ARID1B: variants seen among roughly 807,000 people sequenced by gnomAD.
ARID1B encodes AT-rich interaction domain 1B.
Under a neutral mutation model 212.3 loss-of-function variants are expected in ARID1B, and 30 were observed. That is an observed-to-expected ratio of 0.14 (90% CI 0.11 to 0.19). The LOEUF (loss-of-function observed/expected upper bound fraction) is 0.19. Among genes scored for constraint, ARID1B ranks in the 10% least tolerant of loss-of-function variants. ARID1B has a pLI of 1.00. For synonymous variants in ARID1B, 1,402 were observed against 1,301.7 expected, an observed-to-expected ratio of 1.08 and a Z score of -1.66; for missense variants, 2,891 against 3,204.0, an observed-to-expected ratio of 0.90 and a Z score of 2.36.
chr6:157,118,828 T>C (rs1787510138), intron 6 of ARID1B, among the ~76,000 whole-genome samples: 1 of 152,238 alleles, frequency 6.6e-6, no homozygotes, highest in Non-Finnish European at 1.5e-5. Flanking sequence ...GAAGCATCAG[T>C]CGAAGTTTTA....
chr6:157,148,682 A>G lies in ARID1B; in HGVS notation c.2820A>G (p.Pro940=). ...TGCCCAGTGCAAGCTACAGCGGCCC[A>G]GGGCCCGGTATGGGTATCAGTGCCA... ...SGVPSASYSG[P]GPGMGISANN... The change falls in exon 8 of 20, where the codon CCA becomes CCG. Residue 940 remains proline (P), a synonymous_variant. Coordinates refer to ENST00000636930, the MANE Select transcript of ARID1B (RefSeq NM_001374828.1). The surrounding 1 kb of genome is among the most constrained non-coding windows in gnomAD (Gnocchi z 5.6). 1.9e-6 allele frequency: 3 copies of G among 1,611,714 alleles called. No individual in the cohort carries two copies. The highest frequency in any genetic ancestry group is 2.5e-6 in the Non-Finnish European group (3 of 1,178,744).
At chr6:156,790,452 A>G (rs962308250) in intron 1 of ARID1B, among the ~76,000 whole-genome samples, 2 of 152,238 alleles carry the variant, frequency 1.3e-5, no homozygotes, top group Non-Finnish European at 2.9e-5. Context: ...AGAAATACAG[A>G]CAATAACTCT....
intron 4 of ARID1B, among the ~76,000 whole-genome samples, chr6:157,018,880 C>T (rs939100161): frequency 8.2e-6 from 1 of 121,310 alleles, no homozygotes; most frequent in Non-Finnish European, 1.9e-5. Flanking sequence ...AAGTGCAGTA[C>T]ATTCCAACCA....
At chr6:156,972,321 T>C (rs929196425) in intron 4 of ARID1B, among the ~76,000 whole-genome samples, 3 of 152,102 alleles carry the variant, frequency 2.0e-5, no homozygotes, top group Admixed American at 1.3e-4. Context: ...GGGGCAGGGA[T>C]TGGGGCCAGC....
At chr6:156,812,933 G>GGTGTGTGTGTGTGT (rs71027314) in intron 1 of ARID1B, among the ~76,000 whole-genome samples, 1 of 89,442 alleles carries the variant, frequency 1.1e-5, no homozygotes, top group Non-Finnish European at 2.4e-5. Context: ...TATAATCCTG[G>GGTGTGTGTGTGTGT]GTGTGTGTGT....
intron 4 of ARID1B, among the ~76,000 whole-genome samples, chr6:156,945,379 C>A (rs1426686580): frequency 2.0e-5 from 3 of 151,048 alleles, no homozygotes; most frequent in Non-Finnish European, 4.4e-5. Flanking sequence ...ATGGTATGCA[C>A]TGAGGCAGTG....
intron 4 of ARID1B, among the ~76,000 whole-genome samples, chr6:157,013,317 G>T (rs1779722643): frequency 6.6e-6 from 1 of 152,244 alleles, no homozygotes; most frequent in South Asian, 2.1e-4. Context: ...GATCCCAGGA[G>T]TGGCCTCCTC....
At chr6:157,063,226 C>T (rs1206400416) in intron 4 of ARID1B, among the ~76,000 whole-genome samples, 1 of 151,634 alleles carries the variant, frequency 6.6e-6, no homozygotes, top group African/African-American at 2.4e-5. Flanking sequence ...GCCATTTTTT[C>T]ATGCCAGTGT....
At chr6:156,877,593 G>C (rs1786663250) in intron 2 of ARID1B, among the ~76,000 whole-genome samples, 2 of 152,112 alleles carry the variant, frequency 1.3e-5, no homozygotes, top group South Asian at 2.1e-4. Context: ...AGTATTTTCA[G>C]AGTCTGGCAC....
At chr6:156,908,553 T>C (rs1360370398) in intron 3 of ARID1B, among the ~76,000 whole-genome samples, 1 of 152,192 alleles carries the variant, frequency 6.6e-6, no homozygotes, top group Non-Finnish European at 1.5e-5. Context: ...TATTGATGTT[T>C]ATTTTGCTGT....
intron 18 of ARID1B, among the ~76,000 whole-genome samples, chr6:157,202,373 A>G (rs941957648): frequency 1.2e-4 from 18 of 152,252 alleles, no homozygotes; most frequent in Non-Finnish European, 1.9e-4. Context: ...AATCTTTTTC[A>G]GTGATTAGAA....
chr6:157,134,778 G>GT (rs1788801628), intron 7 of ARID1B, among the ~76,000 whole-genome samples: 2 of 152,202 alleles, frequency 1.3e-5, no homozygotes. Flanking sequence ...TGGAAAAACG[G>GT]TTTGTAACTT....
chr6:156,906,638 TG>T (rs914148057), intron 3 of ARID1B, among the ~76,000 whole-genome samples: 1 of 149,338 alleles, frequency 6.7e-6, no homozygotes, highest in Non-Finnish European at 1.5e-5. Flanking sequence ...CAAGTGGCCT[TG>T]GGCACCTGTT....
rs1343609276 is a variant in ARID1B at position 157,203,817 on chromosome 6, C to T, written c.5264-49C>T. 6.2e-7 allele frequency: 1 copy of T among 1,606,738 alleles called. No individual in the cohort carries two copies. Among genetic ancestry groups the T allele is most frequent in the African/African-American group, 1.3e-5 (1 of 74,676 alleles). On this transcript the variant is annotated intron_variant, in intron 18 of 19. Transcript: ENST00000636930. The surrounding 1 kb of genome is among the most constrained non-coding windows in gnomAD (Gnocchi z 4.4). Reference sequence around the variant, plus strand: ...ACTCTTTCGTTAACTTTCGTTCTTTCATGCATAGAGTCAACATTCATGATA... The same window carrying T: ...ACTCTTTCGTTAACTTTCGTTCTTTTATGCATAGAGTCAACATTCATGATA...
chr6:156,967,823 G>T (rs540061213), intron 4 of ARID1B, among the ~76,000 whole-genome samples: 4 of 152,302 alleles, frequency 2.6e-5, no homozygotes, highest in Admixed American at 2.0e-4. Context: ...GGGGGTTTCT[G>T]TGTATATTGA....
chr6:156,851,635 A>G (rs989527166), intron 2 of ARID1B, among the ~76,000 whole-genome samples: 2 of 152,256 alleles, frequency 1.3e-5, no homozygotes, highest in African/African-American at 2.4e-5. Flanking sequence ...GGCCTGCCCA[A>G]CGTAACATGG....
At chr6:157,114,939 T>C (rs73021508) in intron 6 of ARID1B, among the ~76,000 whole-genome samples, 2 of 152,326 alleles carry the variant, frequency 1.3e-5, no homozygotes, top group East Asian at 1.9e-4. Flanking sequence ...ACCCTTGCTC[T>C]GATCTTTCTT....
At chr6:157,021,521 C>T (rs1780259571) in intron 4 of ARID1B, among the ~76,000 whole-genome samples, 2 of 152,220 alleles carry the variant, frequency 1.3e-5, no homozygotes, top group African/African-American at 2.4e-5. Flanking sequence ...GTGCCGCCCT[C>T]CCTACCCCGC....
rs201982436 is a variant in ARID1B, at chr6:157,147,971, C to T, written c.2762-653C>T. On this transcript the variant is annotated intron_variant, in intron 7 of 19. Coordinates refer to ENST00000636930, the MANE Select transcript of ARID1B (RefSeq NM_001374828.1). Reference sequence around the variant, plus strand: ...CGCCAGCTCTCCTGCTGCCGTGTGCCGTGCTTGTGCTGGGACAGTTTTCCG... The same window carrying T: ...CGCCAGCTCTCCTGCTGCCGTGTGCTGTGCTTGTGCTGGGACAGTTTTCCG... 9.9e-5 allele frequency among the ~76,000 whole-genome samples: 14 copies of T among 140,842 alleles called. No homozygotes were observed. In the East Asian group the frequency reaches 2.1e-3, roughly 21 times the overall value. 92.4% of individuals were successfully genotyped at this position (140,842 alleles called of 152,430 possible). A position where few individuals can be genotyped will look rare whatever the true frequency, so the allele number is the denominator to read the frequency against.
Sources: gnomAD v4.1 joint callset for allele counts (sites outside exome capture counted in the v4.1 genomes callset) on GRCh38, gnomAD v4.1.1 for gene constraint, Gnocchi (gnomAD v3.1) non-coding constraint, MANE v1.5 for transcripts, NCBI Gene and HGNC (gene_info 2026-07-23, HGNC 2026-07-21) for gene names.